RELCH: variants seen among roughly 807,000 people sequenced by gnomAD.
The protein encoded by RELCH is RAB11 binding and LisH domain, coiled-coil and HEAT repeat containing, also known as RAB11-binding protein RELCH.
In RELCH, 41 loss-of-function variants were observed where a neutral mutation model predicts 150.3. The ratio of observed to expected loss-of-function variants is 0.27; its 90% CI spans 0.21 to 0.35. The LOEUF (loss-of-function observed/expected upper bound fraction) is 0.35, where lower values mean the gene tolerates loss of function less well. RELCH is among the 10% of genes least tolerant of loss of function. The pLI, the probability that RELCH is intolerant of heterozygous loss-of-function variation, is 1.00. For missense variants in RELCH, 1,092 were observed against 1,467.8 expected (o/e 0.74, Z 4.18); for synonymous variants, 478 against 531.8 (o/e 0.90, Z 1.39).
At chr18:62,289,149 T>C (rs533767248) in intron 26 of RELCH, among the ~76,000 whole-genome samples, 78 of 152,224 alleles carry the variant, frequency 5.1e-4, no homozygotes, top group Non-Finnish European at 6.9e-4. Context: ...TAGACATGCA[T>C]AGAATATCAC....
intron 8 of RELCH, among the ~76,000 whole-genome samples, chr18:62,229,644 A>G (rs1017005396): frequency 2.6e-5 from 4 of 152,050 alleles, no homozygotes; most frequent in Non-Finnish European, 4.4e-5. Flanking sequence ...AGTATAATAA[A>G]ATAAGTCCAA....
At chr18:62,290,311 A>G (rs1374607179) in intron 26 of RELCH, among the ~76,000 whole-genome samples, 1 of 152,216 alleles carries the variant, frequency 6.6e-6, no homozygotes, top group Non-Finnish European at 1.5e-5. Flanking sequence ...AGGCGGGCAG[A>G]TCACCTGAGG....
chr18:62,218,406 G>T (rs924796379), intron 2 of RELCH, among the ~76,000 whole-genome samples: 5 of 151,872 alleles, frequency 3.3e-5, no homozygotes, highest in Non-Finnish European at 7.4e-5. Context: ...AGTCTAGCAA[G>T]CATTTCAAGA....
intron 11 of RELCH, among the ~76,000 whole-genome samples, chr18:62,248,125 A>G (rs74878403): frequency 0.017 from 2,602 of 152,272 alleles, 88 homozygotes; most frequent in East Asian, 0.13. Context: ...GGCATTAATT[A>G]CTGCTTCACT....
chr18:62,282,440 T>C lies in RELCH; in HGVS notation c.3249T>C (p.Asp1083=), dbSNP rs1199289309. The C allele has an allele frequency of 1.9e-6, 3 of 1,611,998 alleles. No homozygotes were observed. The highest frequency in any genetic ancestry group is 2.5e-6 in the Non-Finnish European group (3 of 1,179,446). ...VGPNAEPRFR[D]EFVIPHLHKL... ...CTAACGCAGAACCCAGGTTCCGAGA[T>C]GAGTGTAAGTTGCATTTTTCTACCT... is the stretch of plus-strand genomic sequence containing the variant. The change falls in exon 25 of 29, where the codon GAT becomes GAC. Residue 1083 remains aspartate, a synonymous_variant. Coordinates refer to ENST00000644646, the MANE Select transcript of RELCH (RefSeq NM_001346231.2).
Position 62,287,326 on chromosome 18 carries a change from T to C in RELCH, c.3254-25T>C, listed in dbSNP as rs529817606. 1.4e-5 allele frequency: 17 copies of C among 1,191,420 alleles called. No homozygotes were observed. The South Asian group carries it at 2.1e-4, about 15-fold the overall frequency. 73.8% of individuals were successfully genotyped at this position (1,191,420 alleles called of 1,614,324 possible). ...TTGTATGCATGTTTTGGGTAAAAAT[T>C]TAACCCTTTTTTTTCTGTTTTCAGT... is the stretch of plus-strand genomic sequence containing the variant. On this transcript the variant is annotated intron_variant, in intron 25 of 28. Transcript: ENST00000644646.
intron 8 of RELCH, 128 bp from the exon 9 acceptor site, chr18:62,231,066 G>C (rs2041536798): frequency 3.3e-6 from 2 of 612,458 alleles, no homozygotes; most frequent in Non-Finnish European, 2.8e-6. Context: ...TGGTGGCTCA[G>C]AAATCTGGTT....
chr18:62,294,450 G>A (rs2145088318), intron 27 of RELCH, among the ~76,000 whole-genome samples: 1 of 152,218 alleles, frequency 6.6e-6, no homozygotes. Flanking sequence ...TCAAGTTTGA[G>A]CATCCTTTGG....
At chr18:62,229,094 G>A (rs1199358638) in intron 8 of RELCH, among the ~76,000 whole-genome samples, 2 of 151,990 alleles carry the variant, frequency 1.3e-5, no homozygotes, top group East Asian at 3.9e-4. Context: ...ACTCGCAGAT[G>A]ACAAAAACCA....
intron 25 of RELCH, among the ~76,000 whole-genome samples, chr18:62,282,746 C>G (rs2044584759): frequency 1.3e-5 from 2 of 152,184 alleles, no homozygotes; most frequent in South Asian, 2.1e-4. Flanking sequence ...CAACCTCTGC[C>G]TCCTGGGTAC....
chr18:62,235,271 G>A (rs1350225472), intron 10 of RELCH: 2 of 151,918 alleles, frequency 1.3e-5, no homozygotes, highest in Non-Finnish European at 2.9e-5. Context: ...AAATCAGTTG[G>A]GCCTAGATTC....
At chr18:62,301,723 G>A (rs1413419189) in intron 28 of RELCH, among the ~76,000 whole-genome samples, 2 of 152,156 alleles carry the variant, frequency 1.3e-5, no homozygotes, top group Admixed American at 1.3e-4. Flanking sequence ...GAGAATCACT[G>A]CTTTAGGAAC....
intron 1 of RELCH, among the ~76,000 whole-genome samples, chr18:62,193,086 TC>T (rs1431674526): frequency 2.0e-5 from 3 of 152,224 alleles, no homozygotes; most frequent in Non-Finnish European, 4.4e-5. Flanking sequence ...GTGCTTCACT[TC>T]CTTTGTTAGC....
At chr18:62,201,454 T>A (rs969861138) in intron 1 of RELCH, among the ~76,000 whole-genome samples, 1 of 152,176 alleles carries the variant, frequency 6.6e-6, no homozygotes, top group Non-Finnish European at 1.5e-5. Flanking sequence ...AATTGTAATA[T>A]AAAGCGAATT....
intron 1 of RELCH, among the ~76,000 whole-genome samples, chr18:62,201,502 T>C (rs2039442872): frequency 6.6e-6 from 1 of 152,178 alleles, no homozygotes; most frequent in Non-Finnish European, 1.5e-5. Context: ...AATTGGATAC[T>C]TTCATGATTT....
rs1290379157 is a variant in RELCH at position 62,264,721 on chromosome 18, A to G, written c.2508-8A>G. 6.3e-7 allele frequency: 1 copy of G among 1,575,184 alleles called. No homozygotes were observed. Among genetic ancestry groups the G allele is most frequent in the Non-Finnish European group, 8.7e-7 (1 of 1,155,996 alleles). On this transcript the variant is annotated splice_region_variant and splice_polypyrimidine_tract_variant and intron_variant, in intron 17 of 28. Transcript: ENST00000644646. ...CCCCTGCCTATTTTTCTTTCCTTTCATATTCAGGTTGCCACAACTTATAGA... is the reference window on the plus strand; with the variant it reads ...CCCCTGCCTATTTTTCTTTCCTTTCGTATTCAGGTTGCCACAACTTATAGA...
intron 12 of RELCH, 130 bp downstream of exon 12, chr18:62,252,884 C>T (rs1042056998): frequency 1.3e-5 from 9 of 677,466 alleles, no homozygotes; most frequent in African/African-American, 5.4e-5. Context: ...TGTAGCCCAG[C>T]ACAGTGATTT....
chr18:62,283,497 T>G (rs143644251), intron 25 of RELCH, among the ~76,000 whole-genome samples: 28 of 152,354 alleles, frequency 1.8e-4, no homozygotes, highest in African/African-American at 6.5e-4. Context: ...TCCGGCAGAC[T>G]GTTACATATC....
chr18:62,234,425 A>T (rs2041768048), intron 10 of RELCH, among the ~76,000 whole-genome samples: 1 of 151,578 alleles, frequency 6.6e-6, no homozygotes, highest in African/African-American at 2.4e-5. Flanking sequence ...TTAAGCATTA[A>T]ATCTACATTT....
Sources: allele counts gnomAD v4.1 joint callset (sites outside exome capture counted in the v4.1 genomes callset), GRCh38; gene constraint gnomAD v4.1.1; transcripts MANE v1.5; gene names NCBI Gene and HGNC (gene_info 2026-07-23, HGNC 2026-07-21).